The following AKAP19 variants were observed in gnomAD, a reference collection of about 807,000 sequenced individuals.
AKAP19 encodes the protein small A-kinase anchoring protein.
At chr2:189,996,493 T>G in the AKAP19 span, among the ~76,000 whole-genome samples, 3 of 152,192 alleles carry the variant, frequency 2.0e-5, no homozygotes, top group Admixed American at 6.5e-5. Flanking sequence ...TTCATTCATA[T>G]CCTGTATTGT....
chr2:189,987,457 G>A, the AKAP19 span, among the ~76,000 whole-genome samples: 1 of 152,190 alleles, frequency 6.6e-6, no homozygotes, highest in Admixed American at 6.5e-5. Flanking sequence ...GGGTCTATAA[G>A]TAAGATCTTG....
chr2:189,977,272 G>A, the AKAP19 span, among the ~76,000 whole-genome samples: 2 of 152,314 alleles, frequency 1.3e-5, no homozygotes, highest in African/African-American at 4.8e-5. Flanking sequence ...TCACTGTGCT[G>A]AATATATAAT....
the AKAP19 span, among the ~76,000 whole-genome samples, chr2:190,182,041 C>T: frequency 6.6e-6 from 1 of 152,200 alleles, no homozygotes; most frequent in African/African-American, 2.4e-5. Flanking sequence ...TAGGTCCACA[C>T]AATGTTGTAA....
the AKAP19 span, among the ~76,000 whole-genome samples, chr2:189,988,046 G>A: frequency 6.6e-6 from 1 of 152,100 alleles, no homozygotes; most frequent in Non-Finnish European, 1.5e-5. Flanking sequence ...TGATTGGTTG[G>A]CTCAGGGATG....
the AKAP19 span, among the ~76,000 whole-genome samples, chr2:190,161,639 A>G: frequency 7.2e-5 from 11 of 152,312 alleles, no homozygotes; most frequent in East Asian, 2.1e-3. Flanking sequence ...AAAATGCAGT[A>G]GCTCAGTATT....
chr2:190,073,759 C>G, the AKAP19 span, among the ~76,000 whole-genome samples: 1 of 151,526 alleles, frequency 6.6e-6, no homozygotes, highest in African/African-American at 2.4e-5. Context: ...AAAAAAAAAA[C>G]TGCAGATATC....
At chr2:190,121,589 C>T in the AKAP19 span, among the ~76,000 whole-genome samples, 1 of 152,042 alleles carries the variant, frequency 6.6e-6, no homozygotes, top group East Asian at 1.9e-4. Flanking sequence ...TTTCATCTAT[C>T]TCTGGGTTTT....
the AKAP19 span, among the ~76,000 whole-genome samples, chr2:189,966,274 A>C: frequency 6.6e-6 from 1 of 152,158 alleles, no homozygotes; most frequent in Non-Finnish European, 1.5e-5. Flanking sequence ...CCAAAATTTC[A>C]CAAATCACTA....
chr2:190,030,390 T>C, the AKAP19 span, among the ~76,000 whole-genome samples: 1 of 152,238 alleles, frequency 6.6e-6, no homozygotes, highest in Non-Finnish European at 1.5e-5. Flanking sequence ...TCTGTTTCTG[T>C]TACTGCCAGC....
chr2:190,113,033 T>G, the AKAP19 span, among the ~76,000 whole-genome samples: 3 of 152,124 alleles, frequency 2.0e-5, no homozygotes, highest in Non-Finnish European at 4.4e-5. Flanking sequence ...GAAATTTTAT[T>G]TTTTTCTAAA....
chr2:189,951,599 A>G, the AKAP19 span, among the ~76,000 whole-genome samples: 7 of 152,316 alleles, frequency 4.6e-5, no homozygotes, highest in South Asian at 1.0e-3. Context: ...TAAAGCTTTC[A>G]AATAAGGAAG....
the AKAP19 span, among the ~76,000 whole-genome samples, chr2:190,010,645 G>A: frequency 4.7e-4 from 72 of 152,236 alleles, no homozygotes; most frequent in African/African-American, 1.6e-3. Flanking sequence ...TAGAAAATAT[G>A]GTGGGTGATA....
At chr2:190,149,666 C>A in the AKAP19 span, among the ~76,000 whole-genome samples, 3 of 152,098 alleles carry the variant, frequency 2.0e-5, no homozygotes, top group East Asian at 5.8e-4. Flanking sequence ...CAGTTTTATT[C>A]CACTGTGGTC....
the AKAP19 span, among the ~76,000 whole-genome samples, chr2:190,104,330 A>T: frequency 1.3e-5 from 2 of 152,198 alleles, no homozygotes; most frequent in Non-Finnish European, 2.9e-5. Flanking sequence ...CCAAAAATTG[A>T]CAAGTAGGAT....
the AKAP19 span, among the ~76,000 whole-genome samples, chr2:189,910,368 G>A: frequency 6.6e-6 from 1 of 151,936 alleles, no homozygotes; most frequent in African/African-American, 2.4e-5. Flanking sequence ...GTGGTTTGTT[G>A]TTTTGGCTTC....
the AKAP19 span, among the ~76,000 whole-genome samples, chr2:190,036,994 A>G: frequency 6.6e-6 from 1 of 152,268 alleles, no homozygotes; most frequent in Admixed American, 6.5e-5. Flanking sequence ...AATCTATAGC[A>G]TAACACAATA....
the AKAP19 span, chr2:189,923,720 C>G: frequency 1.2e-6 from 2 of 1,613,620 alleles, no homozygotes; most frequent in Non-Finnish European, 1.7e-6. Context: ...TTACCCAGCA[C>G]GTGTACCTCC....
the AKAP19 span, among the ~76,000 whole-genome samples, chr2:190,138,768 AG>A: frequency 4.6e-5 from 7 of 152,196 alleles, no homozygotes; most frequent in African/African-American, 1.7e-4. Context: ...AGCCAAAGCC[AG>A]GAGATAGGTT....
At chr2:189,922,312 G>A in the AKAP19 span, among the ~76,000 whole-genome samples, 1 of 152,292 alleles carries the variant, frequency 6.6e-6, no homozygotes. Context: ...AATTATATCA[G>A]ATTTTAGAAG....
Sources: allele counts gnomAD v4.1 joint callset (sites outside exome capture counted in the v4.1 genomes callset), GRCh38; gene constraint gnomAD v4.1.1; transcripts MANE v1.5; gene names NCBI Gene and HGNC (gene_info 2026-07-23, HGNC 2026-07-21).